Variants in COG5 observed in about 807,000 individuals in gnomAD.
COG5 encodes the protein conserved oligomeric Golgi complex subunit 5.
A neutral mutation model predicts 110.4 loss-of-function variants in COG5; 86 were observed. The observed-to-expected ratio is 0.78, with a 90% CI of 0.65 to 0.93. The LOEUF (loss-of-function observed/expected upper bound fraction) is 0.93. COG5 is among the 40% of genes least tolerant of loss of function. COG5 has a pLI of 0.00. For synonymous variants in COG5, 360 were observed against 334.6 expected (o/e 1.08, Z -0.83); for missense variants, 1,077 against 987.0 (o/e 1.09, Z -1.22).
At chr7:107,285,902 AC>A (rs1584622104) in intron 12 of COG5, among the ~76,000 whole-genome samples, 1 of 152,066 alleles carries the variant, frequency 6.6e-6, no homozygotes, top group African/African-American at 2.4e-5. Context: ...CTTAAAGCTT[AC>A]ACAGTAACAG....
At chr7:107,501,036 A>C (rs1798598747) in intron 6 of COG5, among the ~76,000 whole-genome samples, 1 of 152,148 alleles carries the variant, frequency 6.6e-6, no homozygotes, top group African/African-American at 2.4e-5. Context: ...TATATAAAGG[A>C]ATAAATTATC....
chr7:107,286,723 C>G (rs1379458925), intron 12 of COG5, among the ~76,000 whole-genome samples: 1 of 151,944 alleles, frequency 6.6e-6, no homozygotes, highest in East Asian at 1.9e-4. Context: ...TGTTTTTTTC[C>G]CTCTTACAAC....
chr7:107,532,003 C>G (rs892630126), intron 5 of COG5, among the ~76,000 whole-genome samples: 4 of 152,144 alleles, frequency 2.6e-5, no homozygotes, highest in Non-Finnish European at 5.9e-5. Flanking sequence ...TGCCCCAGAC[C>G]TGGAATCAAA....
chr7:107,450,904 T>C (rs1173414706), intron 6 of COG5, among the ~76,000 whole-genome samples: 1 of 152,010 alleles, frequency 6.6e-6, no homozygotes, highest in East Asian at 1.9e-4. Context: ...CCCCATGAGG[T>C]TCAACATCCA....
intron 6 of COG5, chr7:107,475,484 A>G (rs892129876): frequency 1.8e-6 from 1 of 568,200 alleles, no homozygotes; most frequent in Non-Finnish European, 3.1e-6. Flanking sequence ...GTAAATTTTC[A>G]ATGTGAATGT....
intron 6 of COG5, among the ~76,000 whole-genome samples, chr7:107,502,338 T>C (rs1470833729): frequency 3.9e-5 from 6 of 152,114 alleles, no homozygotes. Context: ...GCAAAACACA[T>C]TACTTCATTC....
At chr7:107,263,768 T>C (rs1803570085) in intron 14 of COG5, among the ~76,000 whole-genome samples, 1 of 152,220 alleles carries the variant, frequency 6.6e-6, no homozygotes, top group African/African-American at 2.4e-5. Context: ...GTGAATTCAA[T>C]GTGTGAGAAA....
chr7:107,482,109 A>G (rs1000233501), intron 6 of COG5, among the ~76,000 whole-genome samples: 1 of 151,704 alleles, frequency 6.6e-6, no homozygotes. Context: ...ACTGAGTCAG[A>G]ATCTCTGAGG....
intron 6 of COG5, among the ~76,000 whole-genome samples, chr7:107,442,456 CTGTA>C (rs1162672744): frequency 1.3e-5 from 2 of 151,176 alleles, no homozygotes; most frequent in African/African-American, 4.9e-5. Context: ...CTTGATATGG[CTGTA>C]TGTGTCAGGA....
intron 19 of COG5, among the ~76,000 whole-genome samples, chr7:107,228,668 G>A (rs746080022): frequency 5.9e-5 from 9 of 151,926 alleles, no homozygotes; most frequent in Non-Finnish European, 1.0e-4. Context: ...GAAGGTATCT[G>A]AAAGCATTTG....
At chr7:107,371,182 C>T (rs1159154641) in intron 8 of COG5, among the ~76,000 whole-genome samples, 3 of 152,128 alleles carry the variant, frequency 2.0e-5, no homozygotes, top group Non-Finnish European at 4.4e-5. Context: ...AGAGGCTAGG[C>T]CTAACCTTTA....
chr7:107,273,940 A>G (rs1804482927), intron 14 of COG5, among the ~76,000 whole-genome samples: 1 of 152,242 alleles, frequency 6.6e-6, no homozygotes, highest in Admixed American at 6.5e-5. Context: ...AGGTCAACAT[A>G]TATAATTTAA....
rs116063104 is a variant in COG5, at chr7:107,311,152, G to A, written c.1109-12806C>T. Among the ~76,000 whole-genome samples, 1,303 of 152,208 alleles carry A rather than the reference G, an allele frequency of 8.6e-3. 20 individuals are homozygous for A. The highest frequency in any genetic ancestry group is 0.03 in the African/African-American group (1,244 of 41,546). The stretch of plus-strand genomic sequence containing the variant: ...TTAAAAGTAGAATTTCGGGGTAAAT[G>A]AGTAGCTGCTTATATAATTTTGTTG... On this transcript the variant is annotated intron_variant, in intron 11 of 21. Coordinates refer to ENST00000297135, the MANE Select transcript of COG5 (RefSeq NM_006348.5).
At chr7:107,442,859 C>T (rs1275616434) in intron 6 of COG5, among the ~76,000 whole-genome samples, 1 of 152,116 alleles carries the variant, frequency 6.6e-6, no homozygotes, top group African/African-American at 2.4e-5. Context: ...CTGGAATCTA[C>T]TGTAATAAAA....
Position 107,482,664 on chromosome 7 carries a change from A to G in COG5, c.538+44573T>C, listed in dbSNP as rs1033596861. On this transcript the variant is annotated intron_variant, in intron 6 of 21. Transcript: ENST00000297135. ...ATTAAATTTTAGTTGGATTATATAT[A>G]CTATAATCCAGTACTACATTAGATT... 2.6e-5 allele frequency among the ~76,000 whole-genome samples: 4 copies of G among 152,136 alleles called. No individual in the cohort carries two copies. In the South Asian group the frequency reaches 8.3e-4, roughly 32 times the overall value.
chr7:107,456,537 C>A (rs1437213427), intron 6 of COG5, among the ~76,000 whole-genome samples: 1 of 152,092 alleles, frequency 6.6e-6, no homozygotes, highest in Non-Finnish European at 1.5e-5. Context: ...TCAGTAAACA[C>A]AACGAACTCA....
intron 7 of COG5, among the ~76,000 whole-genome samples, chr7:107,392,742 T>C (rs985278234): frequency 3.3e-5 from 5 of 152,060 alleles, no homozygotes; most frequent in African/African-American, 4.8e-5. Flanking sequence ...CACTGCTTTA[T>C]GAAAAAGTCA....
chr7:107,248,651 C>T, intron 16 of COG5, 152 bp from the exon 17 acceptor site: 1 of 652,282 alleles, frequency 1.5e-6, no homozygotes, highest in South Asian at 1.8e-5. Flanking sequence ...TCTCCCTAAC[C>T]ACTGTCGGTA....
chr7:107,554,448 C>A, intron 2 of COG5, 106 bp from the exon 3 acceptor site: 13 of 978,204 alleles, frequency 1.3e-5, no homozygotes, highest in Admixed American at 2.0e-5. Flanking sequence ...GAGGCAAATA[C>A]AAATACAAAA....
Sources: gnomAD v4.1 joint callset for allele counts (sites outside exome capture counted in the v4.1 genomes callset) on GRCh38, gnomAD v4.1.1 for gene constraint, MANE v1.5 for transcripts, NCBI Gene and HGNC (gene_info 2026-07-23, HGNC 2026-07-21) for gene names.